PTPRT: variants seen among roughly 807,000 people sequenced by gnomAD.
The protein encoded by PTPRT is receptor-type tyrosine-protein phosphatase T.
In PTPRT, 56 loss-of-function variants were observed where a neutral mutation model predicts 176.8. The observed-to-expected ratio is 0.32, with a 90% CI of 0.26 to 0.40. PTPRT has a LOEUF of 0.40. Ranked by LOEUF, PTPRT falls within the 10% of genes least tolerant of loss-of-function variation. The pLI, the probability that PTPRT is intolerant of heterozygous loss-of-function variation, is 1.00. For synonymous variants in PTPRT, 783 were observed against 739.0 expected (o/e 1.06, Z -0.96); for missense variants, 1,540 against 1,908.2 (o/e 0.81, Z 3.60).
chr20:42,563,404 C>T (rs7269218), intron 7 of PTPRT, among the ~76,000 whole-genome samples: 35,042 of 152,026 alleles, frequency 0.23, 4,557 homozygotes, highest in African/African-American at 0.35. Flanking sequence ...CTCATATGCT[C>T]TTGGTAGAAT....
the PTPRT span, among the ~76,000 whole-genome samples, chr20:42,045,260 C>T: frequency 5.3e-5 from 8 of 151,798 alleles, no homozygotes; most frequent in Admixed American, 6.6e-5. Context: ...AAAGGAGGTA[C>T]TATTAAAGGA....
chr20:42,638,742 T>C (rs994721604), intron 7 of PTPRT, among the ~76,000 whole-genome samples: 3 of 152,166 alleles, frequency 2.0e-5, no homozygotes, highest in African/African-American at 7.2e-5. Flanking sequence ...AATCTATTCT[T>C]TGTCTAAACA....
chr20:42,810,780 C>T (rs920630524), intron 2 of PTPRT, among the ~76,000 whole-genome samples: 3 of 152,200 alleles, frequency 2.0e-5, no homozygotes, highest in Non-Finnish European at 2.9e-5. Context: ...ATCACTTCCA[C>T]ATGGTGGAAA....
intron 18 of PTPRT, among the ~76,000 whole-genome samples, chr20:42,133,289 G>C (rs1284981711): frequency 1.3e-5 from 2 of 152,154 alleles, no homozygotes; most frequent in African/African-American, 4.8e-5. Context: ...TGGGTTTATG[G>C]GGATATAACC....
At chr20:43,021,574 T>C (rs528213463) in intron 1 of PTPRT, among the ~76,000 whole-genome samples, 1 of 152,144 alleles carries the variant, frequency 6.6e-6, no homozygotes, top group Non-Finnish European at 1.5e-5. Flanking sequence ...AGATGTGAGA[T>C]GGCTGAATGG....
chr20:42,604,379 C>A (rs537058315), intron 7 of PTPRT, among the ~76,000 whole-genome samples: 2 of 152,282 alleles, frequency 1.3e-5, no homozygotes, highest in South Asian at 2.1e-4. Flanking sequence ...TGGGGCCATG[C>A]GATCCCTCTG....
At chr20:43,061,512 C>A (rs1325150664) in intron 1 of PTPRT, among the ~76,000 whole-genome samples, 4 of 152,188 alleles carry the variant, frequency 2.6e-5, no homozygotes, top group Admixed American at 2.6e-4. Context: ...TAGATGTCAT[C>A]TTTTAAGTAT....
At chr20:42,041,487 T>A in the PTPRT span, among the ~76,000 whole-genome samples, 3 of 152,192 alleles carry the variant, frequency 2.0e-5, no homozygotes, top group Non-Finnish European at 4.4e-5. Flanking sequence ...TCTTTTAATA[T>A]CTCTTGTCTA....
intron 7 of PTPRT, among the ~76,000 whole-genome samples, chr20:42,578,764 G>A (rs2073311396): frequency 6.6e-6 from 1 of 152,052 alleles, no homozygotes; most frequent in African/African-American, 2.4e-5. Flanking sequence ...TCTCAGCTCT[G>A]TAGCTGGAGT....
At chr20:42,691,382 T>C (rs1600617152) in intron 6 of PTPRT, among the ~76,000 whole-genome samples, 1 of 152,300 alleles carries the variant, frequency 6.6e-6, no homozygotes, top group South Asian at 2.1e-4. Context: ...GCTTTAGAGA[T>C]ATTGTTATTT....
intron 7 of PTPRT, among the ~76,000 whole-genome samples, chr20:42,474,433 G>C (rs931485495): frequency 6.6e-6 from 1 of 152,170 alleles, no homozygotes; most frequent in Non-Finnish European, 1.5e-5. Flanking sequence ...TGCCCACGTG[G>C]CTGCAGGAGT....
intron 1 of PTPRT, among the ~76,000 whole-genome samples, chr20:43,142,800 G>A (rs776688340): frequency 6.6e-6 from 1 of 152,182 alleles, no homozygotes; most frequent in Non-Finnish European, 1.5e-5. Flanking sequence ...ACCAGGCATG[G>A]TAACTGCCCA....
chr20:42,839,317 T>G (rs2078237583), intron 2 of PTPRT, among the ~76,000 whole-genome samples: 1 of 151,890 alleles, frequency 6.6e-6, no homozygotes, highest in African/African-American at 2.4e-5. Flanking sequence ...GTTTTTTTTT[T>G]TTTTTTAAAG....
chr20:42,050,726 A>G, the PTPRT span, among the ~76,000 whole-genome samples: 2 of 152,204 alleles, frequency 1.3e-5, no homozygotes, highest in Non-Finnish European at 2.9e-5. Context: ...TGACCAGAAC[A>G]GGAGAAGAGG....
At chr20:42,108,231 T>C (rs185807903) in intron 23 of PTPRT, among the ~76,000 whole-genome samples, 2 of 130,922 alleles carry the variant, frequency 1.5e-5, no homozygotes, top group East Asian at 2.2e-4. Flanking sequence ...GCAGGGTCCT[T>C]GTGAGGACAA....
chr20:42,857,260 A>G (rs1016408248), intron 2 of PTPRT, among the ~76,000 whole-genome samples: 1 of 152,116 alleles, frequency 6.6e-6, no homozygotes, highest in Non-Finnish European at 1.5e-5. Context: ...CTATTCACAC[A>G]TTCTTTCTTT....
At chr20:42,500,395 G>A (rs973871482) in intron 7 of PTPRT, among the ~76,000 whole-genome samples, 10 of 151,916 alleles carry the variant, frequency 6.6e-5, no homozygotes, top group Non-Finnish European at 1.3e-4. Context: ...ATATAAAAAT[G>A]TAAATGACTT....
intron 9 of PTPRT, among the ~76,000 whole-genome samples, chr20:42,413,077 T>C (rs1383502342): frequency 6.6e-6 from 1 of 152,182 alleles, no homozygotes; most frequent in Non-Finnish European, 1.5e-5. Flanking sequence ...AAATTATTTA[T>C]TTGGGCAAAC....
chr20:42,526,194 T>C (rs906807003), intron 7 of PTPRT, among the ~76,000 whole-genome samples: 1 of 152,196 alleles, frequency 6.6e-6, no homozygotes, highest in African/African-American at 2.4e-5. Context: ...TCTTAATTTC[T>C]GCAGCAAATT....
Sources: allele counts gnomAD v4.1 joint callset (sites outside exome capture counted in the v4.1 genomes callset), GRCh38; gene constraint gnomAD v4.1.1; transcripts MANE v1.5; gene names NCBI Gene and HGNC (gene_info 2026-07-23, HGNC 2026-07-21).